CNTN4: variants seen among roughly 807,000 people sequenced by gnomAD.
CNTN4 encodes contactin 4.
In CNTN4, 77 loss-of-function variants were observed where a neutral mutation model predicts 122.5. That is an observed-to-expected ratio of 0.63 (90% confidence interval 0.52 to 0.76). CNTN4 has a LOEUF of 0.76. Ranked by LOEUF, CNTN4 falls within the 30% of genes least tolerant of loss-of-function variation. The pLI is 0.00. For missense variants in CNTN4, 1,256 were observed against 1,259.1 expected, an observed-to-expected ratio of 1.00 and a Z score of 0.04; for synonymous variants, 512 against 447.0, an observed-to-expected ratio of 1.15 and a Z score of -1.83.
intron 3 of CNTN4, among the ~76,000 whole-genome samples, chr3:2,507,448 GC>G (rs546662374): frequency 6.6e-6 from 1 of 152,088 alleles, no homozygotes; most frequent in African/African-American, 2.4e-5. Context: ...GGGTGCGGTG[GC>G]TCATGACTGT....
At chr3:2,944,821 A>G (rs1402028424) in intron 13 of CNTN4, among the ~76,000 whole-genome samples, 1 of 152,222 alleles carries the variant, frequency 6.6e-6, no homozygotes. Context: ...CTCTGAGGAT[A>G]CACCTGCAGG....
chr3:2,588,700 C>G (rs2080322695), intron 4 of CNTN4, among the ~76,000 whole-genome samples: 1 of 147,182 alleles, frequency 6.8e-6, no homozygotes, highest in Admixed American at 6.9e-5. Flanking sequence ...GATCTCTGTA[C>G]AATCCAAAAA....
chr3:2,728,515 G>A (rs1281927920), intron 4 of CNTN4, among the ~76,000 whole-genome samples: 1 of 152,188 alleles, frequency 6.6e-6, no homozygotes, highest in Non-Finnish European at 1.5e-5. Flanking sequence ...ACCCAGCTTA[G>A]CAGAACTTCC....
At position 2,398,483 on chromosome 3, in the gene CNTN4, CA is replaced by C. The variant is rs1276984216; in HGVS notation, c.-89+59253del. Among the ~76,000 whole-genome samples the C allele has an allele frequency of 3.3e-5, 5 of 152,100 alleles. No individual in the cohort carries two copies. The East Asian group carries it at 9.7e-4, about 29-fold the overall frequency. ...CTACTATAAAAAATTAATACTTTTC[CA>C]AATTTACTTTCTGTATGAGAGATTG... On this transcript the variant is annotated intron_variant, in intron 3 of 24. Coordinates refer to ENST00000418658, the MANE Select transcript of CNTN4 (RefSeq NM_175607.3).
Position 2,402,765 on chromosome 3 carries a change from A to G in CNTN4, c.-89+63532A>G, listed in dbSNP as rs544908468. On this transcript the variant is annotated intron_variant, in intron 3 of 24. Transcript: ENST00000418658. ...CTAGTTTCTTATAAAATATAGTAAT[A>G]GCAATTCCCACCTTCTTTATGGTAC... 1.2e-4 allele frequency among the ~76,000 whole-genome samples: 19 copies of G among 152,260 alleles called. No homozygotes were observed. The South Asian group carries it at 3.9e-3, about 32-fold the overall frequency.
chr3:2,901,583 C>A (rs771958207), intron 11 of CNTN4, among the ~76,000 whole-genome samples: 2 of 152,168 alleles, frequency 1.3e-5, no homozygotes, highest in Non-Finnish European at 2.9e-5. Context: ...GTATAGGTAC[C>A]TAGGTACTGG....
chr3:2,761,492 C>G (rs558805492), intron 6 of CNTN4, among the ~76,000 whole-genome samples: 2 of 148,882 alleles, frequency 1.3e-5, no homozygotes, highest in Admixed American at 6.8e-5. Flanking sequence ...AGGTTTTCAC[C>G]TAGTCACATG....
At chr3:2,215,883 C>CAAAAAAAAA (rs869205172) in intron 2 of CNTN4, among the ~76,000 whole-genome samples, 4 of 60,258 alleles carry the variant, frequency 6.6e-5, no homozygotes, top group African/African-American at 2.0e-4. Context: ...GCCTCTGTCT[C>CAAAAAAAAA]AAAAAAAAAA....
intron 4 of CNTN4, among the ~76,000 whole-genome samples, chr3:2,721,071 C>T (rs575802973): frequency 6.6e-6 from 1 of 152,206 alleles, no homozygotes; most frequent in Non-Finnish European, 1.5e-5. Context: ...CTCCCAGGTT[C>T]AGCAATTCTC....
chr3:2,891,865 C>T (rs557163836), intron 10 of CNTN4, among the ~76,000 whole-genome samples: 15 of 152,208 alleles, frequency 9.9e-5, no homozygotes, highest in African/African-American at 2.4e-4. Flanking sequence ...TTGAAAAGAC[C>T]GCTCAGGTTG....
At chr3:2,255,474 G>A (rs1313828514) in intron 2 of CNTN4, among the ~76,000 whole-genome samples, 3 of 152,110 alleles carry the variant, frequency 2.0e-5, no homozygotes, top group Non-Finnish European at 2.9e-5. Flanking sequence ...CAAATCCACA[G>A]AATATACATT....
chr3:2,446,757 T>G (rs1217222637), intron 3 of CNTN4, among the ~76,000 whole-genome samples: 1 of 152,204 alleles, frequency 6.6e-6, no homozygotes, highest in East Asian at 1.9e-4. Flanking sequence ...TGAGTTGAAT[T>G]CTCATCATTT....
intron 4 of CNTN4, among the ~76,000 whole-genome samples, chr3:2,608,999 C>A (rs1260386146): frequency 6.6e-6 from 1 of 152,150 alleles, no homozygotes; most frequent in East Asian, 1.9e-4. Flanking sequence ...GGATAATCAA[C>A]AACAGAAATT....
intron 7 of CNTN4, among the ~76,000 whole-genome samples, chr3:2,851,197 T>TCA: frequency 6.6e-6 from 1 of 152,370 alleles, no homozygotes; most frequent in East Asian, 1.9e-4. Context: ...GTGTAAATTT[T>TCA]TATGTCATAA....
At chr3:2,812,172 G>A (rs1319031330) in intron 6 of CNTN4, among the ~76,000 whole-genome samples, 1 of 152,016 alleles carries the variant, frequency 6.6e-6, no homozygotes, top group Non-Finnish European at 1.5e-5. Flanking sequence ...TAGCTAATGG[G>A]TACTAGGCTT....
chr3:2,103,032 C>T (rs2032119159), intron 2 of CNTN4, among the ~76,000 whole-genome samples: 1 of 151,958 alleles, frequency 6.6e-6, no homozygotes, highest in Non-Finnish European at 1.5e-5. Context: ...AAGCACATTG[C>T]CCTACTTTGC....
intron 2 of CNTN4, among the ~76,000 whole-genome samples, chr3:2,303,561 A>T (rs1272727120): frequency 6.6e-6 from 1 of 152,242 alleles, no homozygotes; most frequent in Non-Finnish European, 1.5e-5. Flanking sequence ...CATTGTATGG[A>T]TATACCACAT....
intron 2 of CNTN4, among the ~76,000 whole-genome samples, chr3:2,337,219 C>A (rs960725990): frequency 1.3e-5 from 2 of 152,094 alleles, no homozygotes; most frequent in Non-Finnish European, 2.9e-5. Flanking sequence ...TGTTAGTTCA[C>A]CCAACAGATA....
chr3:2,624,223 C>G (rs1173973546), intron 4 of CNTN4, among the ~76,000 whole-genome samples: 4 of 152,088 alleles, frequency 2.6e-5, no homozygotes, highest in Admixed American at 6.5e-5. Flanking sequence ...AAAATACTAT[C>G]CTGAAAAAGC....
Sources: gnomAD v4.1 joint callset for allele counts (sites outside exome capture counted in the v4.1 genomes callset) on GRCh38, gnomAD v4.1.1 for gene constraint, MANE v1.5 for transcripts, NCBI Gene and HGNC (gene_info 2026-07-23, HGNC 2026-07-21) for gene names.